The following KHDRBS2 variants were observed in gnomAD, a reference collection of about 807,000 sequenced individuals.
KHDRBS2 encodes KH domain-containing, RNA-binding, signal transduction-associated protein 2.
A neutral mutation model predicts 44.3 loss-of-function variants in KHDRBS2; 26 were observed. The observed-to-expected ratio is 0.59, with a 90% CI of 0.43 to 0.81. The LOEUF is 0.81. KHDRBS2 is among the 40% of genes least tolerant of loss of function. KHDRBS2 has a pLI of 0.00. For synonymous variants in KHDRBS2, 194 were observed against 151.1 expected (o/e 1.28, Z -2.08); for missense variants, 476 against 433.1 (o/e 1.10, Z -0.88).
At chr6:62,056,816 C>T (rs1017645723) in intron 2 of KHDRBS2, among the ~76,000 whole-genome samples, 7 of 151,864 alleles carry the variant, frequency 4.6e-5, no homozygotes, top group Non-Finnish European at 7.4e-5. Context: ...CACACAATCC[C>T]GGCTGAGGAC....
At chr6:61,892,343 T>C (rs1384736713) in intron 6 of KHDRBS2, among the ~76,000 whole-genome samples, 1 of 152,164 alleles carries the variant, frequency 6.6e-6, no homozygotes, top group East Asian at 1.9e-4. Context: ...AATTTATAGA[T>C]TCAATGCCAT....
chr6:62,245,284 T>C (rs1359111682), intron 1 of KHDRBS2, among the ~76,000 whole-genome samples: 1 of 152,118 alleles, frequency 6.6e-6, no homozygotes, highest in East Asian at 1.9e-4. Flanking sequence ...GTCATCTCTG[T>C]TGCCCAGAGA....
At chr6:62,009,134 GATAAAA>G (rs1779819152) in intron 3 of KHDRBS2, among the ~76,000 whole-genome samples, 2 of 152,114 alleles carry the variant, frequency 1.3e-5, no homozygotes, top group African/African-American at 4.8e-5. Flanking sequence ...CCAAAATGCC[GATAAAA>G]ATATGGACAA....
chr6:61,842,950 A>AATCTATCTGTATAGATTACAGATAGATT, intron 6 of KHDRBS2, among the ~76,000 whole-genome samples: 3 of 151,896 alleles, frequency 2.0e-5, no homozygotes, highest in African/African-American at 7.3e-5. Context: ...ACAGATAGAT[A>AATCTATCTGTATAGATTACAGATAGATT]ATCTATCTGT....
chr6:61,556,576 T>C, the KHDRBS2 span, among the ~76,000 whole-genome samples: 4 of 152,274 alleles, frequency 2.6e-5, no homozygotes, highest in East Asian at 7.8e-4. Flanking sequence ...TTGTCAGTTT[T>C]TCTTTCAGGA....
the KHDRBS2 span, among the ~76,000 whole-genome samples, chr6:61,555,046 G>T: frequency 2.0e-5 from 3 of 152,016 alleles, no homozygotes; most frequent in African/African-American, 4.8e-5. Flanking sequence ...TTGAATGTTG[G>T]CCTATTTAGT....
At chr6:62,072,429 G>A (rs996577957) in intron 2 of KHDRBS2, among the ~76,000 whole-genome samples, 1 of 152,176 alleles carries the variant, frequency 6.6e-6, no homozygotes, top group African/African-American at 2.4e-5. Flanking sequence ...AGTTTTCAAA[G>A]GGAATGTTTC....
chr6:62,250,823 G>A (rs1359953058), intron 1 of KHDRBS2, among the ~76,000 whole-genome samples: 1 of 151,892 alleles, frequency 6.6e-6, no homozygotes, highest in Admixed American at 6.6e-5. Context: ...TATTTAAAAA[G>A]GGGTGATAAA....
At chr6:62,015,195 A>T (rs954925346) in intron 3 of KHDRBS2, among the ~76,000 whole-genome samples, 5 of 152,212 alleles carry the variant, frequency 3.3e-5, no homozygotes, top group African/African-American at 1.2e-4. Flanking sequence ...TAGTATACTT[A>T]TAGATTAATA....
At chr6:62,004,530 C>T (rs1778867622) in intron 3 of KHDRBS2, among the ~76,000 whole-genome samples, 1 of 152,130 alleles carries the variant, frequency 6.6e-6, no homozygotes, top group East Asian at 1.9e-4. Context: ...AGTCTTCCAA[C>T]CAAAAAAACT....
chr6:61,962,293 C>T (rs1325517405), intron 4 of KHDRBS2, among the ~76,000 whole-genome samples: 1 of 152,052 alleles, frequency 6.6e-6, no homozygotes, highest in East Asian at 1.9e-4. Context: ...TAGAAAGAAA[C>T]ATGACTTCTC....
At chr6:61,802,836 C>T (rs1414084174) in intron 6 of KHDRBS2, among the ~76,000 whole-genome samples, 1 of 152,092 alleles carries the variant, frequency 6.6e-6, no homozygotes, top group Non-Finnish European at 1.5e-5. Context: ...CTGAAAGGGT[C>T]ACAGAGGAGA....
chr6:61,809,065 G>A (rs771009186), intron 6 of KHDRBS2, among the ~76,000 whole-genome samples: 10 of 151,510 alleles, frequency 6.6e-5, no homozygotes, highest in African/African-American at 1.5e-4. Flanking sequence ...CTATGTTTTA[G>A]CCAGTGAACT....
At chr6:62,278,702 C>T (rs1190622587) in intron 1 of KHDRBS2, among the ~76,000 whole-genome samples, 1 of 152,158 alleles carries the variant, frequency 6.6e-6, no homozygotes, top group Non-Finnish European at 1.5e-5. Flanking sequence ...CTCAGTACCA[C>T]AAGATTCGGG....
chr6:61,751,373 C>T (rs1282912337), intron 6 of KHDRBS2, among the ~76,000 whole-genome samples: 2 of 152,228 alleles, frequency 1.3e-5, no homozygotes, highest in East Asian at 3.9e-4. Flanking sequence ...GGGGTTCATC[C>T]GTGGCAGAAA....
At position 61,803,905 on chromosome 6, in the gene KHDRBS2, C is replaced by T. The variant is rs200329860; in HGVS notation, c.811-71141G>A. ...CTAATCACCTCCCATGAGGTCCCTA[C>T]CCCAACATATGGAGATTACAATTCA... On this transcript the variant is annotated intron_variant, in intron 6 of 8. Coordinates refer to ENST00000281156, the MANE Select transcript of KHDRBS2 (RefSeq NM_152688.4). 1.4e-4 allele frequency among the ~76,000 whole-genome samples: 21 copies of T among 152,180 alleles called. No homozygotes were observed. In the East Asian group the frequency reaches 3.5e-3, roughly 25 times the overall value.
chr6:62,239,054 G>A (rs1160737291), intron 1 of KHDRBS2, among the ~76,000 whole-genome samples: 1 of 152,140 alleles, frequency 6.6e-6, no homozygotes, highest in East Asian at 1.9e-4. Context: ...ACAACCCAAT[G>A]TAATATGTGA....
chr6:61,796,526 GTCTATTTTTC>G (rs201516105), intron 6 of KHDRBS2, among the ~76,000 whole-genome samples: 2 of 151,814 alleles, frequency 1.3e-5, no homozygotes, highest in East Asian at 3.9e-4. Flanking sequence ...TCGCTTTTGA[GTCTATTTTTC>G]TTAAAGGGTA....
At chr6:62,139,983 C>A (rs998287287) in intron 2 of KHDRBS2, among the ~76,000 whole-genome samples, 1 of 149,234 alleles carries the variant, frequency 6.7e-6, no homozygotes, top group Admixed American at 6.7e-5. Flanking sequence ...TATTTACTTT[C>A]AAATATTCAG....
Sources: allele counts gnomAD v4.1 joint callset (sites outside exome capture counted in the v4.1 genomes callset), GRCh38; gene constraint gnomAD v4.1.1; transcripts MANE v1.5; gene names NCBI Gene and HGNC (gene_info 2026-07-23, HGNC 2026-07-21).